RGS2: variants seen among roughly 807,000 people sequenced by gnomAD.
The protein encoded by RGS2 is regulator of G protein signaling 2, also known as G0 to G1 switch regulatory 8, 24kD.
In RGS2, 20 loss-of-function variants were observed where a neutral mutation model predicts 26.6. That is an observed-to-expected ratio of 0.75 (90% CI 0.53 to 1.09). The LOEUF is 1.09. Among genes scored for constraint, RGS2 ranks in the 50% least tolerant of loss-of-function variants. The probability of loss-of-function intolerance (pLI) is 0.00; values close to 1 mark genes in which losing one functional copy is unlikely to be tolerated. For missense variants in RGS2, 246 were observed against 245.5 expected, an observed-to-expected ratio of 1.00 and a Z score of -0.01; for synonymous variants, 97 against 79.9, an observed-to-expected ratio of 1.21 and a Z score of -1.14.
In RGS2 at chr1:192,810,420, T is replaced by C. The variant is rs958492888; in HGVS notation, c.263T>C (p.Leu88Pro). 1.2e-6 allele frequency: 2 copies of C among 1,614,116 alleles called. No individual in the cohort carries two copies. Among genetic ancestry groups the C allele is most frequent in the Non-Finnish European group, 1.7e-6 (2 of 1,179,980 alleles). ...QLWSEAFDELLASKYGLAAFR... is the reference protein window; with the variant it reads ...QLWSEAFDELPASKYGLAAFR... ...TGGTCAGAAGCATTTGACGAGCTGCTAGCCAGCAAATGTAAGTTAACTCTT... is the reference window on the plus strand; with the variant it reads ...TGGTCAGAAGCATTTGACGAGCTGCCAGCCAGCAAATGTAAGTTAACTCTT... The change falls in exon 3 of 5, where the codon CTA (leucine) becomes CCA (proline). Residue 88 changes from leucine to proline, a missense_variant. Transcript: ENST00000235382.
At position 192,810,197 on chromosome 1, in the gene RGS2, T is replaced by C; in HGVS notation, c.142T>C (p.Phe48Leu). The C allele has an allele frequency of 6.2e-7, 1 of 1,613,552 alleles. No individual in the cohort carries two copies. The highest frequency in any genetic ancestry group is 8.5e-7 in the Non-Finnish European group (1 of 1,179,442). Residue 48 changes from phenylalanine (F) to leucine (L), a missense_variant, in exon 2 of 5, where the codon TTC (phenylalanine) becomes CTC (leucine). Phe to Leu is a conservative substitution (Grantham distance 22). Transcript: ENST00000235382. The part of the protein sequence containing the change: ...LKDWKTRLSY[F>L]LQNSSTPGKP... Reference sequence around the variant, plus strand: ...AGATTGGAAGACCCGTTTGAGCTACTTCTTACAAAATTCCTCTACTCCTGG... The same window carrying C: ...AGATTGGAAGACCCGTTTGAGCTACCTCTTACAAAATTCCTCTACTCCTGG...
rs74466425 is a variant in RGS2, at chr1:192,809,125, G to C, written c.54G>C (p.Lys18Asn). The C allele has an allele frequency of 3.8e-4, 615 of 1,614,166 alleles. 1 individual carries two copies. The highest frequency in any genetic ancestry group is 5.8e-4 in the South Asian group (53 of 91,090). Reference sequence around the variant, plus strand: ...AACACGACTGCAGACCCATGGACAAGAGCGCAGGCAGTGGCCACAAGAGCG... The same window carrying C: ...AACACGACTGCAGACCCATGGACAACAGCGCAGGCAGTGGCCACAAGAGCG... ...AVQHDCRPMDKSAGSGHKSEE... is the reference protein window; with the variant it reads ...AVQHDCRPMDNSAGSGHKSEE... The change falls in exon 1 of 5, where the codon AAG (lysine) becomes AAC (asparagine). Residue 18 changes from lysine (K) to asparagine (N), a missense_variant. By Grantham distance (94) the Lys-to-Asn change is moderately conservative. Coordinates refer to ENST00000235382, the MANE Select transcript of RGS2 (RefSeq NM_002923.4).
At position 192,809,112 on chromosome 1, in the gene RGS2, G is replaced by C. The variant is rs545452217; in HGVS notation, c.41G>C (p.Arg14Thr). 3.1e-6 allele frequency: 5 copies of C among 1,614,130 alleles called. No individual in the cohort carries two copies. The African/African-American group carries it at 4.0e-5, about 13-fold the overall frequency. Reference protein sequence around the residue: ...AMFLAVQHDCRPMDKSAGSGH... With the variant: ...AMFLAVQHDCTPMDKSAGSGH... Reference sequence around the variant, plus strand: ...TTCTTGGCTGTTCAACACGACTGCAGACCCATGGACAAGAGCGCAGGCAGT... The same window carrying C: ...TTCTTGGCTGTTCAACACGACTGCACACCCATGGACAAGAGCGCAGGCAGT... Residue 14 changes from arginine to threonine, a missense_variant, in exon 1 of 5, where the codon AGA becomes ACA. By Grantham distance (71) the Arg-to-Thr change is moderately conservative. Coordinates refer to ENST00000235382, the MANE Select transcript of RGS2 (RefSeq NM_002923.4).
In RGS2 at chr1:192,809,062, G is replaced by A. The variant is rs1202047705; in HGVS notation, c.-10G>A. On this transcript the variant is annotated 5_prime_UTR_variant, in exon 1 of 5. Transcript: ENST00000235382. ...CCGCAAACAGCCGGGGCTCCAGCGG[G>A]AGAACGATAATGCAAAGTGCTATGT... is the stretch of plus-strand genomic sequence containing the variant. 6.2e-7 allele frequency: 1 copy of A among 1,603,316 alleles called. No individual in the cohort carries two copies.
chr1:192,810,503 A>C, intron 3 of RGS2, 72 bp downstream of exon 3: 2 of 1,349,638 alleles, frequency 1.5e-6, no homozygotes, highest in Non-Finnish European at 2.1e-6. Flanking sequence ...CACCTAACAA[A>C]AGAGCAGCTT....
In RGS2 at chr1:192,809,161, AG is replaced by A; in HGVS notation, c.91del (p.Glu31LysfsTer3). On this transcript the variant is annotated frameshift_variant, in exon 1 of 5. Transcript: ENST00000235382. LOFTEE classifies it high-confidence loss of function. ...GTGGCCACAAGAGCGAGGAGAAGCG[AG>A]AAAAGATGAAACGGACCCTGTGAGT... ...GSGHKSEEKR[E>X]KMKRTLLKDW... The A allele has an allele frequency of 6.2e-7, 1 of 1,613,274 alleles. No homozygotes were observed. The highest frequency in any genetic ancestry group is 8.5e-7 in the Non-Finnish European group (1 of 1,179,218).
chr1:192,812,033 T>TA lies in RGS2; in HGVS notation c.*438dup. 3.8e-6 allele frequency: 1 copy of TA among 262,920 alleles called. No homozygotes were observed. Among genetic ancestry groups the TA allele is most frequent in the South Asian group, 4.2e-5 (1 of 23,900 alleles). The allele number at this position is 262,920 out of a possible 1,614,324, so 16.3% of individuals were successfully genotyped here. A position where few individuals can be genotyped will look rare whatever the true frequency, so the allele number is the denominator to read the frequency against. ...GATTCAGTAACAGTGAAGTGTTTACTATGTGCAACGGTATTGAAGTTCTTA... is the reference window on the plus strand; with the variant it reads ...GATTCAGTAACAGTGAAGTGTTTACTAATGTGCAACGGTATTGAAGTTCTTA... On this transcript the variant is annotated 3_prime_UTR_variant, in exon 5 of 5. Coordinates refer to ENST00000235382, the MANE Select transcript of RGS2 (RefSeq NM_002923.4).
At chr1:192,809,550 G>T in intron 1 of RGS2, 2 of 353,712 alleles carry the variant, frequency 5.7e-6, no homozygotes, top group South Asian at 2.4e-5. Context: ...TGCTCTTGCT[G>T]GTTCTGAATA....
rs139237239 is a variant in RGS2 at position 192,811,002 on chromosome 1, C to G, written c.296C>G (p.Ala99Gly). The G allele has an allele frequency of 7.4e-6, 12 of 1,613,930 alleles. No homozygotes were observed. The African/African-American group carries it at 1.6e-4, about 22-fold the overall frequency. ...TCAGATGGTCTTGCTGCATTCAGGG[C>G]TTTTTTAAAGTCGGAATTCTGTGAA... is the stretch of plus-strand genomic sequence containing the variant. ...ASKYGLAAFR[A>G]FLKSEFCEEN... The change falls in exon 4 of 5, where the codon GCT becomes GGT. Residue 99 changes from alanine (A) to glycine (G), a missense_variant. Physicochemically the swap from Ala to Gly is moderately conservative, Grantham distance 60. Transcript: ENST00000235382.
chr1:192,809,059 C>A lies in RGS2; in HGVS notation c.-13C>A, dbSNP rs371843799. ...CAGCCGCAAACAGCCGGGGCTCCAG[C>A]GGGAGAACGATAATGCAAAGTGCTA... On this transcript the variant is annotated 5_prime_UTR_variant, in exon 1 of 5. Coordinates refer to ENST00000235382, the MANE Select transcript of RGS2 (RefSeq NM_002923.4). 11 of 1,594,112 alleles carry A rather than the reference C, an allele frequency of 6.9e-6. No homozygotes were observed. The African/African-American group carries it at 1.5e-4, about 21-fold the overall frequency.
At chr1:192,810,953 T>C in intron 3 of RGS2, 28 bp from the exon 4 acceptor site, 1 of 1,594,462 alleles carries the variant, frequency 6.3e-7, no homozygotes, top group Non-Finnish European at 8.6e-7. Context: ...CTTCACATTC[T>C]GCATGCTCTC....
rs777664764 is a variant in RGS2 at position 192,811,386 on chromosome 1, T to C, written c.442-16T>C. The C allele has an allele frequency of 4.4e-6, 7 of 1,595,932 alleles. No individual in the cohort carries two copies. The South Asian group carries it at 7.8e-5, about 18-fold the overall frequency. The stretch of plus-strand genomic sequence containing the variant: ...ACTCTGAATACCAAATAAACAACTT[T>C]TTTGTTTTATTTCAGATAAACATAG... On this transcript the variant is annotated splice_polypyrimidine_tract_variant and intron_variant, in intron 4 of 4. Coordinates refer to ENST00000235382, the MANE Select transcript of RGS2 (RefSeq NM_002923.4).
chr1:192,810,478 TGGAA>T, intron 3 of RGS2, 47 bp downstream of exon 3: 1 of 1,567,596 alleles, frequency 6.4e-7, no homozygotes, highest in Non-Finnish European at 8.8e-7. Context: ...CGCAAAAGCC[TGGAA>T]AGGCTGCGTC....
chr1:192,810,647 G>A, intron 3 of RGS2: 1 of 632,898 alleles, frequency 1.6e-6, no homozygotes, highest in Non-Finnish European at 2.8e-6. Context: ...AAATTAAAGT[G>A]GCAGTTGCTT....
rs749383315 is a variant in RGS2, at chr1:192,810,412, C to T, written c.255C>T (p.Asp85=). The change falls in exon 3 of 5, where the codon GAC becomes GAT. Residue 85 remains aspartate, a synonymous_variant. Transcript: ENST00000235382. The part of the protein sequence containing the change: ...EEAQLWSEAF[D]ELLASKYGLA... ...CACAGCTGTGGTCAGAAGCATTTGA[C>T]GAGCTGCTAGCCAGCAAATGTAAGT... 4.3e-6 allele frequency: 7 copies of T among 1,614,106 alleles called. No homozygotes were observed. The highest frequency in any genetic ancestry group is 5.9e-6 in the Non-Finnish European group (7 of 1,179,986).
intron 3 of RGS2, chr1:192,810,775 A>AT (rs1665578476): frequency 1.6e-6 from 1 of 639,008 alleles, no homozygotes; most frequent in Non-Finnish European, 2.8e-6. Context: ...AAGTACTTAT[A>AT]TTTTTGCAGC....
intron 3 of RGS2, 191 bp from the exon 4 acceptor site, chr1:192,810,790 T>G: frequency 1.5e-6 from 1 of 660,464 alleles, no homozygotes; most frequent in South Asian, 1.8e-5. Flanking sequence ...TGCAGCAGAG[T>G]GCCAACATAA....
chr1:192,809,325 A>G, intron 1 of RGS2, 144 bp downstream of exon 1: 4 of 708,242 alleles, frequency 5.6e-6, no homozygotes, highest in Non-Finnish European at 1.1e-5. Context: ...CAATTTGTTA[A>G]GTAAGGTTAA....
intron 4 of RGS2, 91 bp downstream of exon 4, chr1:192,811,238 G>A: frequency 5.4e-6 from 8 of 1,486,950 alleles, no homozygotes; most frequent in African/African-American, 4.2e-5. Context: ...GGGCTAGGAG[G>A]GGTAAAAAGT....
Sources: allele counts gnomAD v4.1 joint callset, GRCh38; gene constraint gnomAD v4.1.1; transcripts MANE v1.5; gene names NCBI Gene and HGNC (gene_info 2026-07-23, HGNC 2026-07-21).